LRIG2: variants seen among roughly 807,000 people sequenced by gnomAD.
The protein encoded by LRIG2 is leucine-rich repeats and immunoglobulin-like domains protein 2.
In LRIG2, 93 loss-of-function variants were observed where a neutral mutation model predicts 107.8. The ratio of observed to expected loss-of-function variants is 0.86; its 90% CI spans 0.73 to 1.03. The LOEUF (loss-of-function observed/expected upper bound fraction) is 1.03, where lower values mean the gene tolerates loss of function less well. LRIG2 is among the 50% of genes least tolerant of loss of function. LRIG2 has a pLI of 0.00. For synonymous variants in LRIG2, 471 were observed against 470.6 expected, an observed-to-expected ratio of 1.00 and a Z score of -0.01; for missense variants, 1,226 against 1,296.0, an observed-to-expected ratio of 0.95 and a Z score of 0.83.
chr1:113,076,782 TACTC>T (rs1359753005), intron 1 of LRIG2, among the ~76,000 whole-genome samples: 1 of 152,244 alleles, frequency 6.6e-6, no homozygotes, highest in Non-Finnish European at 1.5e-5. Context: ...TTTGGAAACA[TACTC>T]AGATACTGTC....
chr1:113,073,772 C>A (rs1027214998), intron 1 of LRIG2, 127 bp downstream of exon 1: 4 of 848,646 alleles, frequency 4.7e-6, no homozygotes, highest in African/African-American at 3.4e-5. Context: ...AGGAAACTGC[C>A]GTCAGGATTT....
At position 113,073,542 on chromosome 1, in the gene LRIG2, C is replaced by T. The variant is rs1192559797; in HGVS notation, c.136C>T (p.Pro46Ser). The change falls in exon 1 of 18, where the codon CCC (proline) becomes TCC (serine). Residue 46 changes from proline to serine, a missense_variant. Physicochemically the swap from Pro to Ser is moderately conservative, Grantham distance 74 (BLOSUM62 -1). This residue lies in a region of LRIG2 where 570 missense variants were observed against 550.2 expected (regional missense o/e 1.04). Transcript: ENST00000361127. Reference sequence around the variant, plus strand: ...CGCCGGAGCAGGTCTCTGCCCCGCGCCCTGCTCCTGCCGCATTCCTCTCCT... The same window carrying T: ...CGCCGGAGCAGGTCTCTGCCCCGCGTCCTGCTCCTGCCGCATTCCTCTCCT... ...PAAGAGLCPA[P>S]CSCRIPLLDC... 2 of 1,614,036 alleles carry T rather than the reference C, an allele frequency of 1.2e-6. No individual in the cohort carries two copies. The highest frequency in any genetic ancestry group is 2.7e-5 in the African/African-American group (2 of 74,946).
In LRIG2 at chr1:113,130,501, G is replaced by A. The variant is rs567902403; in HGVS notation, c.*6400G>A. On this transcript the variant is annotated 3_prime_UTR_variant, in exon 18 of 18. Coordinates refer to ENST00000361127, the MANE Select transcript of LRIG2 (RefSeq NM_014813.3). ...ATTATATACTTGCTAATAAATTTTTGTGTAGGCTCTTTAGTAAATTTATCT... is the reference window on the plus strand; with the variant it reads ...ATTATATACTTGCTAATAAATTTTTATGTAGGCTCTTTAGTAAATTTATCT... The A allele has an allele frequency of 1.3e-5, 2 of 152,270 alleles. No homozygotes were observed. The highest frequency in any genetic ancestry group is 2.1e-4 in the South Asian group (1 of 4,830). The allele number at this position is 152,270 out of a possible 1,614,324, so 9.4% of individuals were successfully genotyped here.
At chr1:113,122,011 T>C (rs1228263130) in intron 17 of LRIG2, among the ~76,000 whole-genome samples, 1 of 151,684 alleles carries the variant, frequency 6.6e-6, no homozygotes, top group Admixed American at 6.6e-5. Flanking sequence ...TACTACTTCA[T>C]GTCCCACATT....
At chr1:113,121,006 T>TG (rs1655229881) in intron 17 of LRIG2, among the ~76,000 whole-genome samples, 2 of 151,684 alleles carry the variant, frequency 1.3e-5, no homozygotes, top group Admixed American at 1.3e-4. Context: ...CTTTATAAGA[T>TG]GGGGTTTCAC....
chr1:113,121,943 G>A (rs1168070500), intron 17 of LRIG2, among the ~76,000 whole-genome samples: 1 of 151,956 alleles, frequency 6.6e-6, no homozygotes, highest in Non-Finnish European at 1.5e-5. Flanking sequence ...GGTAGTGAGG[G>A]CACATGAAAC....
chr1:113,079,408 G>A (rs903023357), intron 1 of LRIG2, among the ~76,000 whole-genome samples: 34 of 151,154 alleles, frequency 2.2e-4, no homozygotes, highest in South Asian at 2.1e-4. Context: ...ACAGATGGCC[G>A]GGCACAGTGC....
intron 1 of LRIG2, among the ~76,000 whole-genome samples, chr1:113,079,643 A>G (rs1226757689): frequency 6.7e-6 from 1 of 150,180 alleles, no homozygotes; most frequent in Non-Finnish European, 1.5e-5. Context: ...AGACCACTGC[A>G]CTCTAGCAAC....
At chr1:113,100,846 T>C in intron 11 of LRIG2, 1 of 169,318 alleles carries the variant, frequency 5.9e-6, no homozygotes, top group Non-Finnish European at 1.3e-5. Flanking sequence ...ATAAAGGTAT[T>C]ATGTGATTTT....
At chr1:113,116,146 A>G in intron 15 of LRIG2, 141 bp from the exon 16 acceptor site, 1 of 511,706 alleles carries the variant, frequency 2.0e-6, no homozygotes, top group Non-Finnish European at 3.5e-6. Flanking sequence ...GTTTTAGGGG[A>G]AGTACCAAGA....
intron 8 of LRIG2, among the ~76,000 whole-genome samples, chr1:113,097,164 G>A (rs1216806): frequency 0.97 from 147,197 of 151,182 alleles, 71,771 homozygotes; most frequent in East Asian, 1. Flanking sequence ...ATGTGTTTTT[G>A]TGAACTTTAT....
intron 12 of LRIG2, among the ~76,000 whole-genome samples, chr1:113,108,824 C>A (rs1224398765): frequency 6.6e-6 from 1 of 151,960 alleles, no homozygotes; most frequent in Non-Finnish European, 1.5e-5. Flanking sequence ...TGCAGTGAGG[C>A]AAGATTGTGC....
intron 1 of LRIG2, among the ~76,000 whole-genome samples, chr1:113,074,624 A>G (rs1055414486): frequency 3.9e-5 from 6 of 152,078 alleles, no homozygotes; most frequent in Admixed American, 2.0e-4. Flanking sequence ...AGAGTCATCA[A>G]TGGGCCAGGC....
rs1203002795 is a variant in LRIG2 at position 113,126,196 on chromosome 1, C to T, written c.*2095C>T. 2 of 152,202 alleles carry T rather than the reference C, an allele frequency of 1.3e-5. No homozygotes were observed. The highest frequency in any genetic ancestry group is 2.9e-5 in the Non-Finnish European group (2 of 68,042). The allele number at this position is 152,202 out of a possible 1,614,324, so 9.4% of individuals were successfully genotyped here. A position where few individuals can be genotyped will look rare whatever the true frequency, so the allele number is the denominator to read the frequency against. On this transcript the variant is annotated 3_prime_UTR_variant, in exon 18 of 18. Coordinates refer to ENST00000361127, the MANE Select transcript of LRIG2 (RefSeq NM_014813.3). ...TCAGTTATTTGCTCTCTCAATGTCT[C>T]ATGTTGCTGAGTTCTAGAAAATCTC...
At chr1:113,082,412 AT>A (rs1653329655) in intron 1 of LRIG2, among the ~76,000 whole-genome samples, 1 of 152,236 alleles carries the variant, frequency 6.6e-6, no homozygotes, top group African/African-American at 2.4e-5. Flanking sequence ...GCTATATACA[AT>A]TAAATCAGAC....
At position 113,073,247 on chromosome 1, in the gene LRIG2, G is replaced by A. The variant is rs931098134; in HGVS notation, c.-160G>A. Reference sequence around the variant, plus strand: ...TGTGTCCCAGGCCGTCGACCCCGCTGTCGCGCTGCGTCTGCTCCTTGCATG... The same window carrying A: ...TGTGTCCCAGGCCGTCGACCCCGCTATCGCGCTGCGTCTGCTCCTTGCATG... On this transcript the variant is annotated 5_prime_UTR_variant, in exon 1 of 18. Coordinates refer to ENST00000361127, the MANE Select transcript of LRIG2 (RefSeq NM_014813.3). 2 of 660,782 alleles carry A rather than the reference G, an allele frequency of 3.0e-6. No individual in the cohort carries two copies. Among genetic ancestry groups the A allele is most frequent in the African/African-American group, 3.6e-5 (2 of 55,756 alleles). The allele number at this position is 660,782 out of a possible 1,614,324, so 40.9% of individuals were successfully genotyped here.
chr1:113,100,983 T>C (rs576062002), intron 11 of LRIG2, among the ~76,000 whole-genome samples: 9 of 152,328 alleles, frequency 5.9e-5, no homozygotes, highest in East Asian at 3.9e-4. Flanking sequence ...CCCTTTTTCA[T>C]TGATGAGTTT....
chr1:113,116,421 C>T lies in LRIG2; in HGVS notation c.2665C>T (p.His889Tyr). 3 of 1,590,520 alleles carry T rather than the reference C, an allele frequency of 1.9e-6. No homozygotes were observed. The highest frequency in any genetic ancestry group is 1.7e-6 in the Non-Finnish European group (2 of 1,170,596). Residue 889 changes from histidine (H) to tyrosine (Y), a missense_variant, in exon 16 of 18, where the codon CAC becomes TAC. By Grantham distance (83) the His-to-Tyr change is moderately conservative. Coordinates refer to ENST00000361127, the MANE Select transcript of LRIG2 (RefSeq NM_014813.3). ...TATGCCTCCTGCCAATGGATATATACACAAAGGCACTGACGGTAATGACTC... is the reference window on the plus strand; with the variant it reads ...TATGCCTCCTGCCAATGGATATATATACAAAGGCACTGACGGTAATGACTC... Reference protein sequence around the residue: ...QLMPPANGYIHKGTDGGTGTR... With the variant: ...QLMPPANGYIYKGTDGGTGTR...
intron 1 of LRIG2, among the ~76,000 whole-genome samples, chr1:113,076,178 G>C (rs998868126): frequency 6.7e-6 from 1 of 149,444 alleles, no homozygotes; most frequent in Non-Finnish European, 1.5e-5. Context: ...CCTAATTTTT[G>C]TATTTTCAGT....
Sources: allele counts gnomAD v4.1 joint callset (sites outside exome capture counted in the v4.1 genomes callset), GRCh38; gene constraint gnomAD v4.1.1; regional missense constraint gnomAD v4.1.1; transcripts MANE v1.5; gene names NCBI Gene and HGNC (gene_info 2026-07-23, HGNC 2026-07-21).